Variants in CACHD1 observed in about 807,000 individuals in gnomAD.
CACHD1 encodes the protein VWFA and cache domain-containing protein 1.
In CACHD1, 71 loss-of-function variants were observed where a neutral mutation model predicts 138.7. The ratio of observed to expected loss-of-function variants is 0.51; its 90% CI spans 0.42 to 0.62. The LOEUF (loss-of-function observed/expected upper bound fraction) is 0.62, where lower values mean the gene tolerates loss of function less well. Among genes scored for constraint, CACHD1 ranks in the 20% least tolerant of loss-of-function variants. CACHD1 has a pLI of 0.00. For synonymous variants in CACHD1, 578 were observed against 591.5 expected (o/e 0.98, Z 0.33); for missense variants, 1,389 against 1,625.3 (o/e 0.85, Z 2.50).
At chr1:64,684,275 C>T (rs971796934) in intron 26 of CACHD1, among the ~76,000 whole-genome samples, 1 of 150,996 alleles carries the variant, frequency 6.6e-6, no homozygotes, top group Admixed American at 6.6e-5. Flanking sequence ...TATCAAGGAT[C>T]TCATTTGTGG....
rs536425614 is a variant in CACHD1 at position 64,572,227 on chromosome 1, C to G, written c.262-9929C>G. On this transcript the variant is annotated intron_variant, in intron 2 of 26. Coordinates refer to ENST00000651257, the MANE Select transcript of CACHD1 (RefSeq NM_020925.4). The stretch of plus-strand genomic sequence containing the variant: ...CCTGCTCTCTCCTCTTCCCAATTCT[C>G]AGCTTCTCGATTTTTTTTCTAAGGT... Among the ~76,000 whole-genome samples the G allele has an allele frequency of 3.3e-5, 5 of 152,294 alleles. No individual in the cohort carries two copies. In the South Asian group the frequency reaches 8.3e-4, roughly 25 times the overall value.
intron 9 of CACHD1, among the ~76,000 whole-genome samples, chr1:64,648,378 A>G (rs1648981604): frequency 6.6e-6 from 1 of 152,178 alleles, no homozygotes; most frequent in South Asian, 2.1e-4. Context: ...TCATCGCACA[A>G]ACATGGGCCT....
chr1:64,649,636 G>A (rs1561168), intron 9 of CACHD1, among the ~76,000 whole-genome samples: 29,820 of 152,034 alleles, frequency 0.2, 4,654 homozygotes, highest in East Asian at 0.63. Context: ...AAAGGATGAC[G>A]TAGAGATCCA....
chr1:64,481,021 G>T (rs578104400), intron 1 of CACHD1, among the ~76,000 whole-genome samples: 1 of 152,004 alleles, frequency 6.6e-6, no homozygotes, highest in East Asian at 1.9e-4. Flanking sequence ...GAGTTCAAAG[G>T]TAGCTTTCTC....
At chr1:64,584,188 C>T (rs187882384) in intron 3 of CACHD1, among the ~76,000 whole-genome samples, 53 of 152,138 alleles carry the variant, frequency 3.5e-4, no homozygotes, top group African/African-American at 1.1e-3. Context: ...AATGTCTGGA[C>T]GCATTTTCAG....
Position 64,691,630 on chromosome 1 carries a change from G to T in CACHD1, c.*69G>T, listed in dbSNP as rs531302572. 15 of 1,447,208 alleles carry T rather than the reference G, an allele frequency of 1.0e-5. No homozygotes were observed. The highest frequency in any genetic ancestry group is 2.3e-5 in the East Asian group (1 of 43,400). The allele number at this position is 1,447,208 out of a possible 1,614,324, so 89.6% of individuals were successfully genotyped here. On this transcript the variant is annotated 3_prime_UTR_variant, in exon 27 of 27. Transcript: ENST00000651257. ...GAATGTTCTGGAAAGAAAAAGAACC[G>T]GCTTAAAACCCACAGCAAGAGACCT... is the stretch of plus-strand genomic sequence containing the variant.
intron 1 of CACHD1, among the ~76,000 whole-genome samples, chr1:64,490,390 T>C (rs1646268414): frequency 6.6e-6 from 1 of 152,126 alleles, no homozygotes; most frequent in South Asian, 2.1e-4. Flanking sequence ...GGGGGAGAAA[T>C]TAAAGCACAT....
chr1:64,642,504 C>A lies in CACHD1; in HGVS notation c.1156+535C>A, dbSNP rs116146498. Among the ~76,000 whole-genome samples, 545 of 152,264 alleles carry A rather than the reference C, an allele frequency of 3.6e-3. 1 individual carries two copies. Among genetic ancestry groups the A allele is most frequent in the African/African-American group, 0.013 (532 of 41,548 alleles). On this transcript the variant is annotated intron_variant, in intron 8 of 26. Coordinates refer to ENST00000651257, the MANE Select transcript of CACHD1 (RefSeq NM_020925.4). ...AGGATTAGCCTTAATGTACAGTAAA[C>A]AACTTATTAAAATGGATTGTGCTGC... is the stretch of plus-strand genomic sequence containing the variant.
chr1:64,552,720 C>A (rs148837911), intron 2 of CACHD1, among the ~76,000 whole-genome samples: 9 of 152,186 alleles, frequency 5.9e-5, no homozygotes, highest in African/African-American at 2.2e-4. Flanking sequence ...CGCAAACAAT[C>A]CTCCTGCCAT....
At chr1:64,577,633 T>A (rs1366363799) in intron 2 of CACHD1, among the ~76,000 whole-genome samples, 1 of 152,148 alleles carries the variant, frequency 6.6e-6, no homozygotes, top group Non-Finnish European at 1.5e-5. Context: ...CCTAATAGGG[T>A]CCTTTAAAGG....
intron 26 of CACHD1, among the ~76,000 whole-genome samples, chr1:64,687,241 C>T (rs536620795): frequency 6.6e-6 from 1 of 152,294 alleles, no homozygotes; most frequent in Admixed American, 6.5e-5. Context: ...CATCACCCTT[C>T]CCAGTGCTCA....
intron 3 of CACHD1, among the ~76,000 whole-genome samples, chr1:64,586,682 T>G (rs922578461): frequency 6.6e-6 from 1 of 152,192 alleles, no homozygotes; most frequent in Non-Finnish European, 1.5e-5. Flanking sequence ...GACATTTTTT[T>G]AAATTTGATT....
intron 2 of CACHD1, among the ~76,000 whole-genome samples, chr1:64,558,377 T>C (rs1646814055): frequency 6.6e-6 from 1 of 152,242 alleles, no homozygotes; most frequent in African/African-American, 2.4e-5. Flanking sequence ...TGTTCTCCCA[T>C]GTCACCTTCT....
intron 3 of CACHD1, among the ~76,000 whole-genome samples, chr1:64,584,363 T>C (rs1647034420): frequency 6.6e-6 from 1 of 152,082 alleles, no homozygotes. Flanking sequence ...GCTTAGCACA[T>C]TGGGGATCTT....
chr1:64,608,143 G>A (rs1557517226), intron 4 of CACHD1, among the ~76,000 whole-genome samples: 2 of 152,096 alleles, frequency 1.3e-5, no homozygotes, highest in Non-Finnish European at 2.9e-5. Flanking sequence ...CAGCACAGTT[G>A]ACACAGCTAG....
chr1:64,470,377 GGGCTCC>G lies in CACHD1; in HGVS notation c.-366_-361del, dbSNP rs1157801691. 1.3e-5 allele frequency among the ~76,000 whole-genome samples: 2 copies of G among 151,666 alleles called. No homozygotes were observed. The highest frequency in any genetic ancestry group is 4.8e-5 in the African/African-American group (2 of 41,382). ...AAGCGAGAGCCGCGCGGCTCGGCTC[GGGCTCC>G]GACTCCGACTCCGATTCCGACTGTC... On this transcript the variant is annotated 5_prime_UTR_variant, in exon 1 of 27. Coordinates refer to ENST00000651257, the MANE Select transcript of CACHD1 (RefSeq NM_020925.4). The surrounding 1 kb of genome is among the most constrained non-coding windows in gnomAD (Gnocchi z 5.2).
At chr1:64,484,499 C>T (rs1400098677) in intron 1 of CACHD1, among the ~76,000 whole-genome samples, 3 of 152,162 alleles carry the variant, frequency 2.0e-5, no homozygotes, top group Non-Finnish European at 4.4e-5. Flanking sequence ...TTCCCAGTAG[C>T]TCTTTTAGGC....
chr1:64,507,658 C>T (rs573806535), intron 1 of CACHD1, among the ~76,000 whole-genome samples: 10 of 152,174 alleles, frequency 6.6e-5, no homozygotes, highest in South Asian at 4.1e-4. Flanking sequence ...ATTAGGAACA[C>T]GAGCCAGGAA....
chr1:64,630,931 CA>C, intron 5 of CACHD1, among the ~76,000 whole-genome samples: 1 of 152,316 alleles, frequency 6.6e-6, no homozygotes, highest in East Asian at 1.9e-4. Context: ...CTAAATGATC[CA>C]CATTTCTCTC....
Sources: allele counts gnomAD v4.1 joint callset (sites outside exome capture counted in the v4.1 genomes callset), GRCh38; gene constraint gnomAD v4.1.1; non-coding constraint Gnocchi (gnomAD v3.1); transcripts MANE v1.5; gene names NCBI Gene and HGNC (gene_info 2026-07-23, HGNC 2026-07-21).